CDC42BPA: variants seen among roughly 807,000 people sequenced by gnomAD.
CDC42BPA encodes CDC42 binding protein kinase alpha.
Under a neutral mutation model 223.5 loss-of-function variants are expected in CDC42BPA, and 80 were observed. The observed-to-expected ratio is 0.36, with a 90% CI of 0.30 to 0.43. The LOEUF (loss-of-function observed/expected upper bound fraction) is 0.43. Among genes scored for constraint, CDC42BPA ranks in the 20% least tolerant of loss-of-function variants. The pLI, the probability that CDC42BPA is intolerant of heterozygous loss-of-function variation, is 1.00. For synonymous variants in CDC42BPA, 694 were observed against 718.6 expected (o/e 0.97, Z 0.55); for missense variants, 1,743 against 2,099.9 (o/e 0.83, Z 3.32).
chr1:227,313,544 C>T (rs541673734), intron 1 of CDC42BPA, among the ~76,000 whole-genome samples: 4 of 152,118 alleles, frequency 2.6e-5, no homozygotes, highest in Non-Finnish European at 5.9e-5. Context: ...GAAACAAGTA[C>T]CCAACCAATA....
rs890214741 is a variant in CDC42BPA, at chr1:226,992,112, C to T, written c.*2156G>A. The T allele has an allele frequency of 2.0e-5, 3 of 151,846 alleles. No homozygotes were observed. Among genetic ancestry groups the T allele is most frequent in the Admixed American group, 6.6e-5 (1 of 15,236 alleles). The allele number at this position is 151,846 out of a possible 1,614,324, so 9.4% of individuals were successfully genotyped here. ...AAGGGGTGCGAGCTGGTCACGAGCA[C>T]CAAGCAGGGGGCCGGCTGGCTGACT... On this transcript the variant is annotated 3_prime_UTR_variant, in exon 37 of 37. Coordinates refer to ENST00000366766, the MANE Select transcript of CDC42BPA (RefSeq NM_001394014.1).
chr1:227,110,363 G>A (rs1572868674), intron 14 of CDC42BPA, among the ~76,000 whole-genome samples: 1 of 152,200 alleles, frequency 6.6e-6, no homozygotes, highest in East Asian at 1.9e-4. Context: ...TATTTACTAG[G>A]TAGGTGTTAT....
chr1:227,168,794 G>A lies in CDC42BPA; in HGVS notation c.600-8158C>T, dbSNP rs1460714487. On this transcript the variant is annotated intron_variant, in intron 5 of 36. Coordinates refer to ENST00000366766, the MANE Select transcript of CDC42BPA (RefSeq NM_001394014.1). ...TTACAGGCGTGAGCCACTGCACTCG[G>A]CCCCCTGGTGTTTCTTGAGCATCTC... Among the ~76,000 whole-genome samples the A allele has an allele frequency of 1.5e-4, 23 of 152,144 alleles. 1 individual carries two copies. The highest frequency in any genetic ancestry group is 1.2e-3 in the East Asian group (6 of 5,174).
chr1:227,265,252 G>A (rs1173629656), intron 1 of CDC42BPA: 5 of 542,148 alleles, frequency 9.2e-6, no homozygotes, highest in South Asian at 4.2e-5. Context: ...TTTGATTGCC[G>A]CTTAGTAGCT....
At chr1:227,016,254 T>C (rs1313690447) in intron 33 of CDC42BPA, 57 bp from the exon 34 acceptor site, 1 of 903,192 alleles carries the variant, frequency 1.1e-6, no homozygotes, top group Non-Finnish European at 1.8e-6. Flanking sequence ...ATGTAGCTTA[T>C]GAAAAAAATT....
In CDC42BPA at chr1:227,129,666, C is replaced by CAAAAAAAAAAAAAA. The variant is rs569879499; in HGVS notation, c.1391-449_1391-436dup. Among the ~76,000 whole-genome samples the CAAAAAAAAAAAAAA allele has an allele frequency of 1.6e-3, 54 of 33,918 alleles. 6 individuals carry two copies. The highest frequency in any genetic ancestry group is 2.8e-3 in the East Asian group (2 of 726). The allele number at this position is 33,918 out of a possible 152,430, so 22.3% of individuals were successfully genotyped here. On this transcript the variant is annotated intron_variant, in intron 10 of 36. Transcript: ENST00000366766. ...TGGGAGACAAAGTGAGACTGTATCT[C>CAAAAAAAAAAAAAA]AAAAAAAAAAAAAAAAAAAAAAAAA...
In CDC42BPA at chr1:226,990,844, T is replaced by A. The variant is rs1173874683; in HGVS notation, c.*3424A>T. On this transcript the variant is annotated 3_prime_UTR_variant, in exon 37 of 37. Transcript: ENST00000366766. The stretch of plus-strand genomic sequence containing the variant: ...AGAGCTAGCCAGGAATGATAGATTG[T>A]TGCTGTAAACATGACAGGAATTTCA... The A allele has an allele frequency of 6.5e-6, 1 of 152,678 alleles. No homozygotes were observed. 9.5% of individuals were successfully genotyped at this position (152,678 alleles called of 1,614,324 possible). A position where few individuals can be genotyped will look rare whatever the true frequency, so the allele number is the denominator to read the frequency against.
intron 4 of CDC42BPA, among the ~76,000 whole-genome samples, chr1:227,195,340 C>T (rs1056535522): frequency 1.3e-5 from 2 of 152,034 alleles, no homozygotes; most frequent in Non-Finnish European, 2.9e-5. Flanking sequence ...ATTACAGGCA[C>T]GCACCACCAC....
At chr1:227,315,396 AG>A in intron 1 of CDC42BPA, among the ~76,000 whole-genome samples, 1 of 152,206 alleles carries the variant, frequency 6.6e-6, no homozygotes, top group African/African-American at 2.4e-5. Context: ...TGGAGGATAC[AG>A]TTTTCTCTTT....
intron 1 of CDC42BPA, among the ~76,000 whole-genome samples, chr1:227,297,410 A>G (rs1263323461): frequency 1.3e-5 from 2 of 151,400 alleles, no homozygotes; most frequent in Non-Finnish European, 1.5e-5. Context: ...GAATTACTAT[A>G]TGACCCAGAA....
intron 15 of CDC42BPA, 113 bp downstream of exon 15, chr1:227,100,879 A>T: frequency 1.5e-6 from 1 of 656,532 alleles, no homozygotes; most frequent in Non-Finnish European, 2.5e-6. Flanking sequence ...GCCAATCCTG[A>T]CTTTGGTCTC....
At chr1:227,000,984 C>T (rs1482684128) in intron 35 of CDC42BPA, among the ~76,000 whole-genome samples, 2 of 151,078 alleles carry the variant, frequency 1.3e-5, no homozygotes, top group African/African-American at 4.8e-5. Flanking sequence ...TGAGCAATAT[C>T]CAACCTCTGC....
chr1:227,191,916 C>G (rs1669774913), intron 5 of CDC42BPA, among the ~76,000 whole-genome samples: 1 of 151,078 alleles, frequency 6.6e-6, no homozygotes, highest in South Asian at 2.1e-4. Flanking sequence ...TCCAGGAGTT[C>G]AAGACCAGCC....
At chr1:227,297,924 T>G (rs1327393758) in intron 1 of CDC42BPA, among the ~76,000 whole-genome samples, 1 of 143,406 alleles carries the variant, frequency 7.0e-6, no homozygotes. Flanking sequence ...GGGGCTAAAA[T>G]GGCAAATTTT....
Position 227,270,885 on chromosome 1 carries a change from T to C in CDC42BPA, c.179-16730A>G, listed in dbSNP as rs921132080. ...TAGGCATGTTTTCAAGGTTCAGTGA[T>C]GTTGCACAGCATGTGTCAGAAATTC... On this transcript the variant is annotated intron_variant, in intron 1 of 36. Transcript: ENST00000366766. Among the ~76,000 whole-genome samples, 4 of 152,226 alleles carry C rather than the reference T, an allele frequency of 2.6e-5. No individual in the cohort carries two copies. In the South Asian group the frequency reaches 8.3e-4, roughly 31 times the overall value.
At chr1:227,301,822 C>T (rs1195536117) in intron 1 of CDC42BPA, among the ~76,000 whole-genome samples, 2 of 152,076 alleles carry the variant, frequency 1.3e-5, no homozygotes, top group African/African-American at 2.4e-5. Context: ...CTTTCCATAC[C>T]ATCCTCCCAA....
intron 3 of CDC42BPA, among the ~76,000 whole-genome samples, chr1:227,208,514 T>G (rs1268593094): frequency 6.7e-6 from 1 of 149,056 alleles, no homozygotes; most frequent in Non-Finnish European, 1.5e-5. Flanking sequence ...CTTTAATCCA[T>G]CTTGAATTGA....
At chr1:227,072,366 T>C in intron 19 of CDC42BPA, 67 bp from the exon 20 acceptor site, 1 of 889,920 alleles carries the variant, frequency 1.1e-6, no homozygotes, top group Middle Eastern at 2.2e-4. Context: ...CCATCTTGGA[T>C]GTAGCCAAAC....
At chr1:227,255,313 AAC>A (rs1682849123) in intron 1 of CDC42BPA, among the ~76,000 whole-genome samples, 1 of 152,182 alleles carries the variant, frequency 6.6e-6, no homozygotes, top group Non-Finnish European at 1.5e-5. Context: ...AGGGGAGTGA[AAC>A]AGATAGGTCA....
Sources: allele counts gnomAD v4.1 joint callset (sites outside exome capture counted in the v4.1 genomes callset), GRCh38; gene constraint gnomAD v4.1.1; transcripts MANE v1.5; gene names NCBI Gene and HGNC (gene_info 2026-07-23, HGNC 2026-07-21).